The following SLC35F3 variants were observed in gnomAD, a reference collection of about 807,000 sequenced individuals.
SLC35F3 encodes the protein putative thiamine transporter SLC35F3.
A neutral mutation model predicts 49.9 loss-of-function variants in SLC35F3; 25 were observed. The ratio of observed to expected loss-of-function variants is 0.50; its 90% CI spans 0.37 to 0.70. SLC35F3 has a LOEUF of 0.70. Ranked by LOEUF, SLC35F3 falls within the 30% of genes least tolerant of loss-of-function variation. The pLI, the probability that SLC35F3 is intolerant of heterozygous loss-of-function variation, is 0.00. For missense variants in SLC35F3, 525 were observed against 639.8 expected, an observed-to-expected ratio of 0.82 and a Z score of 1.94; for synonymous variants, 275 against 265.4, an observed-to-expected ratio of 1.04 and a Z score of -0.35.
chr1:234,260,782 C>T (rs1019203215), intron 3 of SLC35F3, among the ~76,000 whole-genome samples: 2 of 152,064 alleles, frequency 1.3e-5, no homozygotes, highest in Admixed American at 6.6e-5. Flanking sequence ...GGAGAAACTC[C>T]GCATACATAA....
chr1:233,982,164 A>G (rs1663196487), intron 2 of SLC35F3, among the ~76,000 whole-genome samples: 1 of 152,098 alleles, frequency 6.6e-6, no homozygotes, highest in African/African-American at 2.4e-5. Flanking sequence ...GCCTCAAGCA[A>G]TCTGCCCGCC....
intron 2 of SLC35F3, among the ~76,000 whole-genome samples, chr1:234,043,574 T>G (rs554679278): frequency 3.9e-5 from 6 of 152,254 alleles, no homozygotes; most frequent in African/African-American, 1.4e-4. Context: ...TTATGCAGCC[T>G]GTGGAAAACT....
At chr1:234,068,506 T>A (rs1664654050) in intron 2 of SLC35F3, among the ~76,000 whole-genome samples, 1 of 151,988 alleles carries the variant, frequency 6.6e-6, no homozygotes, top group African/African-American at 2.4e-5. Flanking sequence ...TACAGGCGCG[T>A]GCCACCATGC....
chr1:234,157,446 T>C (rs941792869), intron 2 of SLC35F3, among the ~76,000 whole-genome samples: 2 of 152,140 alleles, frequency 1.3e-5, no homozygotes, highest in Non-Finnish European at 2.9e-5. Flanking sequence ...CTCTCTGACA[T>C]CATCTTCTAC....
At position 234,058,318 on chromosome 1, in the gene SLC35F3, A is replaced by G. The variant is rs1005172921; in HGVS notation, c.283+152560A>G. Among the ~76,000 whole-genome samples, 8 of 110,060 alleles carry G rather than the reference A, an allele frequency of 7.3e-5. No individual in the cohort carries two copies. The South Asian group carries it at 1.5e-3, about 20-fold the overall frequency. 72.2% of individuals were successfully genotyped at this position (110,060 alleles called of 152,430 possible). ...TTATGGTGTATAATTGTCTTTATAA[A>G]TGTTCCTGAATTTTTTTTTTTTTTT... On this transcript the variant is annotated intron_variant, in intron 2 of 7. Coordinates refer to ENST00000366618, the MANE Select transcript of SLC35F3 (RefSeq NM_173508.4).
At chr1:234,264,190 G>C (rs1475073974) in intron 3 of SLC35F3, among the ~76,000 whole-genome samples, 1 of 152,120 alleles carries the variant, frequency 6.6e-6, no homozygotes, top group African/African-American at 2.4e-5. Flanking sequence ...AACTGAAAAG[G>C]ATTAATATCC....
At chr1:234,209,765 G>A (rs533888700) in intron 2 of SLC35F3, among the ~76,000 whole-genome samples, 14 of 151,860 alleles carry the variant, frequency 9.2e-5, no homozygotes, top group South Asian at 4.2e-4. Flanking sequence ...ACTCCTCTTC[G>A]GCAAGCAGAA....
rs776660217 is a variant in SLC35F3, at chr1:233,905,533, A to G, written c.58A>G (p.Met20Val). ...CCGTGGCGCCTGCGACCGCAGTGGC[A>G]TGAGGAGGTCACCGGACGTCAGCCC... The part of the protein sequence containing the change: ...APRGKSIAVG[M>V]RRSPDVSPRR... Residue 20 changes from methionine to valine, a missense_variant, in exon 2 of 8, where the codon ATG (methionine) becomes GTG (valine). Around this residue, in one of 4 missense-constraint regions of SLC35F3, gnomAD observed 228 missense variants for 218.9 expected, o/e 1.04. Transcript: ENST00000366618. 1.1e-5 allele frequency: 17 copies of G among 1,612,616 alleles called. No individual in the cohort carries two copies. In the East Asian group the frequency reaches 2.0e-4, roughly 19 times the overall value.
At chr1:234,002,222 C>G (rs1255433289) in intron 2 of SLC35F3, among the ~76,000 whole-genome samples, 1 of 152,178 alleles carries the variant, frequency 6.6e-6, no homozygotes, top group Non-Finnish European at 1.5e-5. Flanking sequence ...TAACCTCACA[C>G]AAAACATTTG....
intron 2 of SLC35F3, among the ~76,000 whole-genome samples, chr1:234,162,381 CAAAAAAAAAA>C (rs147145054): frequency 1.5e-3 from 90 of 58,572 alleles, no homozygotes; most frequent in African/African-American, 4.6e-3. Context: ...AGCCTCTGTG[CAAAAAAAAAA>C]AAAAAAAAAA....
At chr1:234,305,463 A>ACCT (rs1437378061) in intron 3 of SLC35F3, among the ~76,000 whole-genome samples, 10 of 150,078 alleles carry the variant, frequency 6.7e-5, no homozygotes, top group Admixed American at 6.0e-4. Flanking sequence ...GCTCACTGCA[A>ACCT]CCTCCGCCTT....
At chr1:234,283,567 G>A (rs1385013618) in intron 3 of SLC35F3, among the ~76,000 whole-genome samples, 1 of 152,224 alleles carries the variant, frequency 6.6e-6, no homozygotes, top group African/African-American at 2.4e-5. Flanking sequence ...ACAAGAGGGA[G>A]ATTTAATGGA....
intron 2 of SLC35F3, among the ~76,000 whole-genome samples, chr1:234,187,361 A>G (rs148261316): frequency 1.3e-5 from 2 of 152,334 alleles, no homozygotes; most frequent in Non-Finnish European, 2.9e-5. Flanking sequence ...CACAGAAGGT[A>G]TGAAAGAGCA....
chr1:234,229,134 A>T lies in SLC35F3; in HGVS notation c.284-2283A>T, dbSNP rs150230261. ...AATAATATGGGAAGCAGCCTCTTGAAAATTCACAATATCCATTGACCCTGA... is the reference window on the plus strand; with the variant it reads ...AATAATATGGGAAGCAGCCTCTTGATAATTCACAATATCCATTGACCCTGA... On this transcript the variant is annotated intron_variant, in intron 2 of 7. Transcript: ENST00000366618. Among the ~76,000 whole-genome samples the T allele has an allele frequency of 2.9e-4, 44 of 152,338 alleles. No individual in the cohort carries two copies. The East Asian group carries it at 8.3e-3, about 29-fold the overall frequency.
chr1:234,135,882 C>T (rs1665802356), intron 2 of SLC35F3, among the ~76,000 whole-genome samples: 1 of 152,236 alleles, frequency 6.6e-6, no homozygotes, highest in South Asian at 2.1e-4. Context: ...CAGCCAAGAA[C>T]CAAACTTGCA....
At chr1:233,988,110 G>A (rs563748758) in intron 2 of SLC35F3, among the ~76,000 whole-genome samples, 2 of 152,200 alleles carry the variant, frequency 1.3e-5, no homozygotes, top group East Asian at 3.9e-4. Flanking sequence ...AATACACAAG[G>A]TCTATGTGGG....
chr1:234,057,614 A>G (rs924574521), intron 2 of SLC35F3, among the ~76,000 whole-genome samples: 1 of 151,874 alleles, frequency 6.6e-6, no homozygotes, highest in Non-Finnish European at 1.5e-5. Flanking sequence ...TTCCTTTCCA[A>G]TTTGGGTACC....
At chr1:234,063,974 A>C (rs1664580463) in intron 2 of SLC35F3, among the ~76,000 whole-genome samples, 1 of 152,194 alleles carries the variant, frequency 6.6e-6, no homozygotes, top group Admixed American at 6.5e-5. Context: ...CTGTATTGTT[A>C]ACTGCACCTG....
At chr1:234,277,460 C>G (rs1427555353) in intron 3 of SLC35F3, among the ~76,000 whole-genome samples, 2 of 152,204 alleles carry the variant, frequency 1.3e-5, no homozygotes, top group African/African-American at 2.4e-5. Flanking sequence ...GACACACTGG[C>G]CATCTCAGCA....
Sources: gnomAD v4.1 joint callset for allele counts (sites outside exome capture counted in the v4.1 genomes callset) on GRCh38, gnomAD v4.1.1 for gene constraint, gnomAD v4.1.1 regional missense constraint, MANE v1.5 for transcripts, NCBI Gene and HGNC (gene_info 2026-07-23, HGNC 2026-07-21) for gene names.